FANCB: variants seen among roughly 807,000 people sequenced by gnomAD.
FANCB encodes Fanconi anemia group B protein.
In FANCB, 5 loss-of-function variants were observed where a neutral mutation model predicts 38.9. The ratio of observed to expected loss-of-function variants is 0.13; its 90% CI spans 0.07 to 0.27. The LOEUF (loss-of-function observed/expected upper bound fraction) is 0.27. FANCB is among the 10% of genes least tolerant of loss of function. FANCB has a pLI of 1.00. For missense variants in FANCB, 573 were observed against 602.7 expected (o/e 0.95, Z 0.52); for synonymous variants, 236 against 215.4 (o/e 1.10, Z -0.84).
intron 7 of FANCB, among the ~76,000 whole-genome samples, chrX:14,850,207 G>A (rs1017091385): frequency 8.1e-5 from 9 of 110,897 alleles, no homozygotes; most frequent in African/African-American, 2.6e-4. Context: ...AAAACTAGCC[G>A]GGCATGATGG....
the FANCB span, among the ~76,000 whole-genome samples, chrX:14,822,216 G>A: frequency 9.1e-6 from 1 of 110,421 alleles, no homozygotes; most frequent in Non-Finnish European, 1.9e-5. Flanking sequence ...TGTACTTCCT[G>A]AGATTCAGGG....
At chrX:14,832,088 C>G (rs1268448518), downstream of FANCB, among the ~76,000 whole-genome samples, 1 of 111,487 alleles carries the variant, frequency 9.0e-6, no homozygotes, top group Non-Finnish European at 1.9e-5. Flanking sequence ...GAATGTTGTA[C>G]TAGTTTCCTA....
intron 3 of FANCB, among the ~76,000 whole-genome samples, chrX:14,862,630 A>AC (rs2092451738): frequency 8.9e-6 from 1 of 112,045 alleles, no homozygotes; most frequent in Admixed American, 9.4e-5. Flanking sequence ...GTAACTGATG[A>AC]CAGCCCTGGC....
the FANCB span, among the ~76,000 whole-genome samples, chrX:14,751,448 A>G: frequency 1.8e-5 from 2 of 112,112 alleles, no homozygotes; most frequent in Non-Finnish European, 3.8e-5. Flanking sequence ...CTGCACCGTT[A>G]GAGAGAAAAT....
At chrX:14,715,062 C>G in the FANCB span, among the ~76,000 whole-genome samples, 1 of 112,239 alleles carries the variant, frequency 8.9e-6, no homozygotes, top group Non-Finnish European at 1.9e-5. Context: ...ATTGTAAACA[C>G]ATACATAAAT....
the FANCB span, among the ~76,000 whole-genome samples, chrX:14,754,267 A>T: frequency 8.9e-6 from 1 of 112,687 alleles, no homozygotes; most frequent in African/African-American, 3.2e-5. Context: ...TATGAACTAT[A>T]TGCCAACAAA....
At chrX:14,780,609 G>A in the FANCB span, among the ~76,000 whole-genome samples, 2 of 110,429 alleles carry the variant, frequency 1.8e-5, no homozygotes, top group African/African-American at 3.4e-5. Context: ...AGATTTTACC[G>A]TAAAGAGCAA....
chrX:14,831,660 G>A (rs1413671848), downstream of FANCB, among the ~76,000 whole-genome samples: 1 of 111,177 alleles, frequency 9.0e-6, no homozygotes. Context: ...TTGCCACATA[G>A]GGAATTTGAT....
At chrX:14,787,131 G>C in the FANCB span, among the ~76,000 whole-genome samples, 1 of 110,774 alleles carries the variant, frequency 9.0e-6, no homozygotes, top group Non-Finnish European at 1.9e-5. Flanking sequence ...GTGAGAGGGA[G>C]GAAAATTTCC....
At chrX:14,737,771 A>G in the FANCB span, among the ~76,000 whole-genome samples, 1 of 112,728 alleles carries the variant, frequency 8.9e-6, no homozygotes, top group Non-Finnish European at 1.9e-5. Flanking sequence ...GTTCAATGAC[A>G]TGCTTTTTGC....
the FANCB span, among the ~76,000 whole-genome samples, chrX:14,793,187 T>C: frequency 8.9e-6 from 1 of 112,493 alleles, no homozygotes; most frequent in African/African-American, 3.2e-5. Flanking sequence ...TTTAAGTCTT[T>C]AAATTTAGAT....
chrX:14,690,316 ATATT>A, the FANCB span, among the ~76,000 whole-genome samples: 1 of 112,241 alleles, frequency 8.9e-6, no homozygotes, highest in Admixed American at 9.4e-5. Context: ...AAAATTGTAT[ATATT>A]TATGGTGTAT....
chrX:14,829,228 C>A, the FANCB span, among the ~76,000 whole-genome samples: 1 of 111,764 alleles, frequency 8.9e-6, no homozygotes, highest in East Asian at 2.8e-4. Context: ...AGCAGTAGAT[C>A]TCAACAGTGG....
chrX:14,740,076 G>T, the FANCB span, among the ~76,000 whole-genome samples: 140 of 111,404 alleles, frequency 1.3e-3, 1 homozygote, highest in Non-Finnish European at 2.3e-3. Context: ...GTAGCTCCAG[G>T]TCCTCAAAAA....
chrX:14,716,090 G>A, the FANCB span, among the ~76,000 whole-genome samples: 1 of 111,105 alleles, frequency 9.0e-6, no homozygotes, highest in Non-Finnish European at 1.9e-5. Flanking sequence ...CTGTCAGAAG[G>A]TCTCAGGGCC....
chrX:14,699,398 T>C, the FANCB span, among the ~76,000 whole-genome samples: 1 of 112,347 alleles, frequency 8.9e-6, no homozygotes, highest in Non-Finnish European at 1.9e-5. Flanking sequence ...GGTTATGGCA[T>C]GTGGGCCACC....
At chrX:14,849,729 T>G (rs963091415) in intron 7 of FANCB, among the ~76,000 whole-genome samples, 1 of 112,096 alleles carries the variant, frequency 8.9e-6, no homozygotes, top group Non-Finnish European at 1.9e-5. Flanking sequence ...GATTAGAAAG[T>G]TCTGTATGCT....
the FANCB span, among the ~76,000 whole-genome samples, chrX:14,773,668 A>C: frequency 8.0e-5 from 9 of 112,096 alleles, no homozygotes; most frequent in Admixed American, 8.5e-4. Flanking sequence ...TCCTTTAATA[A>C]AACTATCTTT....
At chrX:14,692,819 T>C in the FANCB span, among the ~76,000 whole-genome samples, 1 of 111,942 alleles carries the variant, frequency 8.9e-6, no homozygotes, top group South Asian at 3.7e-4. Context: ...AGACTGTACC[T>C]GGGCTCTGTG....
Sources: gnomAD v4.1 joint callset for allele counts (sites outside exome capture counted in the v4.1 genomes callset) on GRCh38, gnomAD v4.1.1 for gene constraint, MANE v1.5 for transcripts, NCBI Gene and HGNC (gene_info 2026-07-23, HGNC 2026-07-21) for gene names.